Variants in PHKA1 observed in about 807,000 individuals in gnomAD.
The protein encoded by PHKA1 is phosphorylase kinase regulatory subunit alpha 1.
In PHKA1, 60 loss-of-function variants were observed where a neutral mutation model predicts 110.2. The ratio of observed to expected loss-of-function variants is 0.54; its 90% CI spans 0.44 to 0.68. The LOEUF (loss-of-function observed/expected upper bound fraction) is 0.68, where lower values mean the gene tolerates loss of function less well. PHKA1 is among the 30% of genes least tolerant of loss of function. The probability of loss-of-function intolerance (pLI) is 0.00; values close to 1 mark genes in which losing one functional copy is unlikely to be tolerated. For missense variants in PHKA1, 801 were observed against 942.5 expected (o/e 0.85, Z 1.97); for synonymous variants, 316 against 333.6 (o/e 0.95, Z 0.58).
intron 6 of PHKA1, among the ~76,000 whole-genome samples, chrX:72,675,125 T>C (rs1477412731): frequency 4.6e-5 from 5 of 108,717 alleles, no homozygotes; most frequent in Non-Finnish European, 9.5e-5. Flanking sequence ...GAGGTGGAGG[T>C]TGCAGTGAGC....
chrX:72,699,799 A>G (rs1384044013), intron 3 of PHKA1, among the ~76,000 whole-genome samples: 2 of 111,524 alleles, frequency 1.8e-5, no homozygotes, highest in African/African-American at 6.5e-5. Flanking sequence ...GAAGATGCCA[A>G]TCAAAATAAG....
chrX:72,606,086 T>C (rs1405987037), intron 23 of PHKA1, among the ~76,000 whole-genome samples: 2 of 111,946 alleles, frequency 1.8e-5, no homozygotes, highest in Non-Finnish European at 3.8e-5. Flanking sequence ...ACGGTATCCA[T>C]CACCTTGAGC....
chrX:72,615,305 T>C (rs1429751285), intron 21 of PHKA1, among the ~76,000 whole-genome samples: 1 of 111,913 alleles, frequency 8.9e-6, no homozygotes, highest in Non-Finnish European at 1.9e-5. Flanking sequence ...TATGAAAACA[T>C]CTGAAGATAT....
intron 6 of PHKA1, among the ~76,000 whole-genome samples, chrX:72,669,219 T>G (rs1029510997): frequency 1.8e-5 from 2 of 111,116 alleles, no homozygotes; most frequent in Non-Finnish European, 3.8e-5. Context: ...GTGGTGGTCC[T>G]GCCCTAGTGG....
At chrX:72,658,313 G>A (rs1422957648) in intron 8 of PHKA1, among the ~76,000 whole-genome samples, 1 of 110,254 alleles carries the variant, frequency 9.1e-6, no homozygotes, top group East Asian at 2.8e-4. Context: ...ACAAAAATTA[G>A]CCAGGCGTGG....
At chrX:72,668,049 A>G (rs1447813083) in intron 6 of PHKA1, among the ~76,000 whole-genome samples, 1 of 112,130 alleles carries the variant, frequency 8.9e-6, no homozygotes, top group Admixed American at 9.5e-5. Context: ...TACAAACACT[A>G]TTTTGACATA....
intron 21 of PHKA1, among the ~76,000 whole-genome samples, chrX:72,614,852 A>G (rs782475641): frequency 1.3e-4 from 14 of 111,547 alleles, no homozygotes; most frequent in Non-Finnish European, 2.6e-4. Flanking sequence ...GAATAGAGTC[A>G]GGAAAGACAA....
chrX:72,709,042 T>C (rs2054329502), intron 2 of PHKA1, among the ~76,000 whole-genome samples: 1 of 111,300 alleles, frequency 9.0e-6, no homozygotes, highest in African/African-American at 3.3e-5. Context: ...TTCAGACACA[T>C]TGAGTTTGAG....
At chrX:72,652,674 C>A in intron 11 of PHKA1, 23 bp from the exon 12 acceptor site, 1 of 897,619 alleles carries the variant, frequency 1.1e-6, no homozygotes, top group South Asian at 2.0e-5. Flanking sequence ...ATGAAGAGGC[C>A]AGATGAGGAA....
intron 30 of PHKA1, among the ~76,000 whole-genome samples, chrX:72,583,849 G>C (rs1339051564): frequency 9.0e-6 from 1 of 111,449 alleles, no homozygotes. Flanking sequence ...TTGGAACCCG[G>C]GTTACCCCAA....
chrX:72,709,981 G>T (rs782536691), intron 2 of PHKA1, among the ~76,000 whole-genome samples: 12 of 101,145 alleles, frequency 1.2e-4, no homozygotes, highest in Non-Finnish European at 2.4e-4. Flanking sequence ...GATGGAGATC[G>T]CAGTGAGCCG....
rs1263780006 is a variant in PHKA1 at position 72,676,703 on chromosome X, A to C, written c.538-553T>G. The stretch of plus-strand genomic sequence containing the variant: ...GTGACAGAGCCAGGATTAGAATCCA[A>C]GGAATCTCACTCCAAAGCCTACCCT... On this transcript the variant is annotated intron_variant, in intron 5 of 31. Transcript: ENST00000373542. 3.6e-5 allele frequency among the ~76,000 whole-genome samples: 4 copies of C among 112,129 alleles called. No homozygotes were observed. The East Asian group carries it at 1.1e-3, about 31-fold the overall frequency.
At position 72,627,058 on chromosome X, in the gene PHKA1, G is replaced by A; in HGVS notation, c.1715-9C>T. 1 of 1,181,680 alleles carries A rather than the reference G, an allele frequency of 8.5e-7. No homozygotes were observed. The highest frequency in any genetic ancestry group is 1.2e-6 in the Non-Finnish European group (1 of 868,329). On this transcript the variant is annotated splice_polypyrimidine_tract_variant and intron_variant, in intron 16 of 31. Transcript: ENST00000373542. ...GCTTGTTCCATCTTCATCTTGAAAT[G>A]AACAGAATTTTAAAACAATCTTTGT...
chrX:72,668,558 T>A (rs2053641575), intron 6 of PHKA1, among the ~76,000 whole-genome samples: 1 of 111,902 alleles, frequency 8.9e-6, no homozygotes, highest in Non-Finnish European at 1.9e-5. Flanking sequence ...TTCTAGTATT[T>A]ATTAGTTATC....
chrX:72,622,401 T>C, intron 18 of PHKA1: 1 of 754,186 alleles, frequency 1.3e-6, no homozygotes. Flanking sequence ...CAAATCATAT[T>C]TTAGAGGGCT....
At chrX:72,672,326 G>T (rs2053715480) in intron 6 of PHKA1, among the ~76,000 whole-genome samples, 1 of 111,780 alleles carries the variant, frequency 8.9e-6, no homozygotes, top group Non-Finnish European at 1.9e-5. Context: ...ATGCCTTGGG[G>T]TCTTTCCTCC....
chrX:72,713,168 TACA>T (rs1419411093), intron 1 of PHKA1, among the ~76,000 whole-genome samples: 1 of 112,020 alleles, frequency 8.9e-6, no homozygotes, highest in African/African-American at 3.2e-5. Flanking sequence ...ATTTAGGGAG[TACA>T]ACATGATGAT....
chrX:72,680,989 G>C (rs1447042753), intron 5 of PHKA1, among the ~76,000 whole-genome samples: 1 of 43,498 alleles, frequency 2.3e-5, no homozygotes, highest in East Asian at 7.0e-4. Flanking sequence ...GCCGCCCATC[G>C]TCTGGGATGT....
chrX:72,713,670 T>TCTCA (rs1331275720), intron 1 of PHKA1, 133 bp downstream of exon 1: 3 of 486,220 alleles, frequency 6.2e-6, no homozygotes, highest in East Asian at 7.7e-5. Flanking sequence ...AAGGTCTCCG[T>TCTCA]CACACACACA....
Sources: gnomAD v4.1 joint callset for allele counts (sites outside exome capture counted in the v4.1 genomes callset) on GRCh38, gnomAD v4.1.1 for gene constraint, MANE v1.5 for transcripts, NCBI Gene and HGNC (gene_info 2026-07-23, HGNC 2026-07-21) for gene names.